Variants in TSPAN7 observed in about 807,000 individuals in gnomAD.
The protein encoded by TSPAN7 is tetraspanin-7.
TSPAN7 carries 1 observed loss-of-function variant against 17.6 expected under a neutral mutation model. The ratio of observed to expected loss-of-function variants is 0.06; its 90% CI spans 0.02 to 0.27. The LOEUF is 0.27. Among genes scored for constraint, TSPAN7 ranks in the 10% least tolerant of loss-of-function variants. The pLI is 1.00. For missense variants in TSPAN7, 112 were observed against 201.7 expected (o/e 0.56, Z 2.69); for synonymous variants, 78 against 79.0 (o/e 0.99, Z 0.07).
At chrX:38,644,016 T>G (rs1276641318) in intron 1 of TSPAN7, among the ~76,000 whole-genome samples, 1 of 111,719 alleles carries the variant, frequency 9.0e-6, no homozygotes, top group Non-Finnish European at 1.9e-5. Context: ...CCTGTGCTTC[T>G]CTCACTCTGA....
At chrX:38,656,785 A>G (rs964049049) in intron 1 of TSPAN7, among the ~76,000 whole-genome samples, 24 of 111,945 alleles carry the variant, frequency 2.1e-4, no homozygotes, top group African/African-American at 7.8e-4. Context: ...TTCCTTTCAC[A>G]TGCTCTTGGA....
chrX:38,635,025 C>T (rs2069572203), intron 1 of TSPAN7, among the ~76,000 whole-genome samples: 1 of 110,948 alleles, frequency 9.0e-6, no homozygotes, highest in African/African-American at 3.3e-5. Flanking sequence ...GGTGGGAGAA[C>T]AAGCATAGCC....
intron 1 of TSPAN7, among the ~76,000 whole-genome samples, chrX:38,591,263 T>A (rs2069289788): frequency 1.8e-5 from 2 of 111,836 alleles, no homozygotes; most frequent in African/African-American, 6.5e-5. Flanking sequence ...ATTTTTAATT[T>A]CTCTTTTGAT....
chrX:38,645,215 C>G lies in TSPAN7; in HGVS notation c.82-20906C>G, dbSNP rs985978863. Among the ~76,000 whole-genome samples, 3 of 112,290 alleles carry G rather than the reference C, an allele frequency of 2.7e-5. No individual in the cohort carries two copies. In the Admixed American group the frequency reaches 2.8e-4, roughly 11 times the overall value. On this transcript the variant is annotated intron_variant, in intron 1 of 7. Coordinates refer to ENST00000378482, the MANE Select transcript of TSPAN7 (RefSeq NM_004615.4). The stretch of plus-strand genomic sequence containing the variant: ...TTGGCTGGAGTAGGGACAGGGGCAG[C>G]CTTGGAGCCCTTGCTAATTCCCAGG...
chrX:38,668,555 A>G (rs1439076307), intron 2 of TSPAN7, among the ~76,000 whole-genome samples: 3 of 111,994 alleles, frequency 2.7e-5, no homozygotes, highest in Non-Finnish European at 5.6e-5. Context: ...TCAGGCAGTT[A>G]TTAGTCTTTT....
intron 1 of TSPAN7, among the ~76,000 whole-genome samples, chrX:38,612,946 C>T (rs144973521): frequency 2.0e-3 from 226 of 111,825 alleles, no homozygotes; most frequent in African/African-American, 6.9e-3. Context: ...TGTTTTCATC[C>T]ACTATGCTGG....
intron 1 of TSPAN7, among the ~76,000 whole-genome samples, chrX:38,631,464 A>G (rs2069550996): frequency 9.0e-6 from 1 of 111,594 alleles, no homozygotes; most frequent in Admixed American, 9.6e-5. Flanking sequence ...CAAAAAGAGG[A>G]GTTGTCTTTT....
At chrX:38,662,609 AG>A (rs58056718) in intron 1 of TSPAN7, among the ~76,000 whole-genome samples, 24,731 of 109,968 alleles carry the variant, frequency 0.22, 2,711 homozygotes, top group East Asian at 0.77. Flanking sequence ...ATAGAGTGAT[AG>A]GATGGATAGG....
intron 1 of TSPAN7, among the ~76,000 whole-genome samples, chrX:38,616,832 C>G (rs1265650910): frequency 1.8e-5 from 2 of 111,674 alleles, no homozygotes; most frequent in African/African-American, 6.5e-5. Flanking sequence ...TGAACCTCCT[C>G]TCACCTTTGA....
intron 1 of TSPAN7, among the ~76,000 whole-genome samples, chrX:38,654,185 C>T (rs1002872497): frequency 9.0e-5 from 10 of 111,364 alleles, no homozygotes; most frequent in African/African-American, 1.3e-4. Context: ...ACCTTGGGCA[C>T]GTTTCATAGG....
intron 1 of TSPAN7, chrX:38,566,189 A>G: frequency 4.0e-6 from 1 of 250,187 alleles, no homozygotes; most frequent in Non-Finnish European, 6.5e-6. Context: ...TTATTTGAAG[A>G]CAAAAGGTAG....
At chrX:38,566,276 G>A (rs1178358100) in intron 1 of TSPAN7, 19 of 884,160 alleles carry the variant, frequency 2.1e-5, no homozygotes, top group Admixed American at 6.7e-5. Context: ...TGAATGCTGT[G>A]TAAACTGATC....
intron 1 of TSPAN7, among the ~76,000 whole-genome samples, chrX:38,601,806 C>T (rs2069348589): frequency 8.9e-6 from 1 of 111,774 alleles, no homozygotes; most frequent in Non-Finnish European, 1.9e-5. Flanking sequence ...CATCTCTGTT[C>T]CACATGGTGT....
intron 1 of TSPAN7, among the ~76,000 whole-genome samples, chrX:38,582,052 T>A: frequency 8.9e-6 from 1 of 112,765 alleles, no homozygotes; most frequent in East Asian, 2.8e-4. Flanking sequence ...GGGATGATCT[T>A]GCCTCCTCTA....
chrX:38,590,109 A>T (rs1460289529), intron 1 of TSPAN7, among the ~76,000 whole-genome samples: 1 of 111,392 alleles, frequency 9.0e-6, no homozygotes. Context: ...TTTGCTAAAA[A>T]TTTTTTTTGT....
At chrX:38,669,621 A>G (rs2069807276) in intron 2 of TSPAN7, among the ~76,000 whole-genome samples, 1 of 112,605 alleles carries the variant, frequency 8.9e-6, no homozygotes, top group South Asian at 3.7e-4. Flanking sequence ...TGCCAGACAC[A>G]GAAAACTGCT....
chrX:38,680,500 A>C (rs1284704846), intron 5 of TSPAN7, among the ~76,000 whole-genome samples: 1 of 107,563 alleles, frequency 9.3e-6, no homozygotes, highest in Non-Finnish European at 1.9e-5. Flanking sequence ...TCAGGACTCT[A>C]GGTTGATTTG....
intron 1 of TSPAN7, among the ~76,000 whole-genome samples, chrX:38,638,227 A>G (rs895594101): frequency 4.5e-5 from 5 of 112,113 alleles, no homozygotes; most frequent in Admixed American, 9.4e-5. Flanking sequence ...ATTTTTAAAA[A>G]ATTGAAATTG....
intron 6 of TSPAN7, among the ~76,000 whole-genome samples, chrX:38,687,276 C>T (rs963644668): frequency 7.2e-5 from 8 of 111,258 alleles, no homozygotes; most frequent in Non-Finnish European, 1.5e-4. Context: ...TTTTAATACT[C>T]CTTAAGTGTC....
Sources: gnomAD v4.1 joint callset for allele counts (sites outside exome capture counted in the v4.1 genomes callset) on GRCh38, gnomAD v4.1.1 for gene constraint, MANE v1.5 for transcripts, NCBI Gene and HGNC (gene_info 2026-07-23, HGNC 2026-07-21) for gene names.